Variants in DLGAP1 observed in about 807,000 individuals in gnomAD.
The protein encoded by DLGAP1 is disks large-associated protein 1.
A neutral mutation model predicts 90.8 loss-of-function variants in DLGAP1; 11 were observed. The observed-to-expected ratio is 0.12, with a 90% CI of 0.08 to 0.20. The LOEUF (loss-of-function observed/expected upper bound fraction) is 0.20, where lower values mean the gene tolerates loss of function less well. DLGAP1 is among the 10% of genes least tolerant of loss of function. The pLI, the probability that DLGAP1 is intolerant of heterozygous loss-of-function variation, is 1.00. For missense variants in DLGAP1, 1,050 were observed against 1,333.8 expected (o/e 0.79, Z 3.31); for synonymous variants, 558 against 540.7 (o/e 1.03, Z -0.44).
At chr18:3,948,893 C>T (rs2072927113) in intron 3 of DLGAP1, among the ~76,000 whole-genome samples, 1 of 151,778 alleles carries the variant, frequency 6.6e-6, no homozygotes, top group Non-Finnish European at 1.5e-5. Context: ...TAACCAAATA[C>T]CACCTGTTCC....
chr18:4,150,580 C>G (rs2076658847), intron 2 of DLGAP1, among the ~76,000 whole-genome samples: 1 of 152,228 alleles, frequency 6.6e-6, no homozygotes, highest in Admixed American at 6.5e-5. Context: ...ATTACAGGCA[C>G]CTGCCACCAC....
At chr18:3,515,076 A>T (rs2050751013) in intron 10 of DLGAP1, among the ~76,000 whole-genome samples, 1 of 152,152 alleles carries the variant, frequency 6.6e-6, no homozygotes, top group Non-Finnish European at 1.5e-5. Flanking sequence ...ACAACAATGA[A>T]GTTTGCCACA....
chr18:3,718,683 T>TG (rs1243574040), intron 7 of DLGAP1, among the ~76,000 whole-genome samples: 3 of 150,474 alleles, frequency 2.0e-5, no homozygotes, highest in African/African-American at 4.9e-5. Flanking sequence ...CCCAGCACTT[T>TG]GGGGGGTCGA....
chr18:4,447,907 C>T (rs529652714), intron 1 of DLGAP1, among the ~76,000 whole-genome samples: 1 of 152,282 alleles, frequency 6.6e-6, no homozygotes, highest in East Asian at 1.9e-4. Flanking sequence ...ACTGCCTATT[C>T]AGAATCTGTC....
intron 7 of DLGAP1, among the ~76,000 whole-genome samples, chr18:3,696,143 CAG>C (rs1413366304): frequency 1.3e-5 from 2 of 152,180 alleles, no homozygotes; most frequent in African/African-American, 4.8e-5. Flanking sequence ...CATCTGCAAA[CAG>C]AGACAATTTG....
At position 3,499,821 on chromosome 18, in the gene DLGAP1, C is replaced by T. The variant is rs2049836309; in HGVS notation, c.2725-427G>A. Among the ~76,000 whole-genome samples the T allele has an allele frequency of 6.6e-6, 1 of 152,146 alleles. No individual in the cohort carries two copies. Among genetic ancestry groups the T allele is most frequent in the Non-Finnish European group, 1.5e-5 (1 of 68,020 alleles). On this transcript the variant is annotated intron_variant, in intron 12 of 12. Coordinates refer to ENST00000315677, the MANE Select transcript of DLGAP1 (RefSeq NM_004746.4). The surrounding 1 kb of genome is among the most constrained non-coding windows in gnomAD (Gnocchi z 6.4). The stretch of plus-strand genomic sequence containing the variant: ...CTCTAAGGATGCAAGTCACCGGGTG[C>T]AAGCTTGGTTCAGAGCTTAAAAACA...
chr18:3,990,983 G>A (rs1194956640), intron 3 of DLGAP1, among the ~76,000 whole-genome samples: 5 of 151,830 alleles, frequency 3.3e-5, no homozygotes, highest in Non-Finnish European at 5.9e-5. Context: ...GGAGTTATTA[G>A]TTTTCCTTTC....
At chr18:3,714,871 A>G (rs1401742532) in intron 7 of DLGAP1, among the ~76,000 whole-genome samples, 3 of 152,052 alleles carry the variant, frequency 2.0e-5, no homozygotes, top group African/African-American at 4.8e-5. Flanking sequence ...CCTGACCTCA[A>G]GGTGATTTGC....
chr18:3,512,342 CTT>C (rs1181375724), intron 10 of DLGAP1, among the ~76,000 whole-genome samples: 1 of 152,192 alleles, frequency 6.6e-6, no homozygotes, highest in Non-Finnish European at 1.5e-5. Flanking sequence ...CCTCCCTTTC[CTT>C]TCTTTCCCCA....
At chr18:3,661,086 T>G (rs946052433) in intron 7 of DLGAP1, among the ~76,000 whole-genome samples, 5 of 152,240 alleles carry the variant, frequency 3.3e-5, no homozygotes, top group Non-Finnish European at 7.3e-5. Context: ...ATTTTTTAGA[T>G]GAAGTTTCAC....
chr18:4,002,665 T>C (rs898895338), intron 3 of DLGAP1, among the ~76,000 whole-genome samples: 3 of 152,152 alleles, frequency 2.0e-5, no homozygotes, highest in Non-Finnish European at 4.4e-5. Flanking sequence ...CAGTCAATAG[T>C]AGATTATTAG....
chr18:3,748,651 G>A (rs757402188), intron 5 of DLGAP1, among the ~76,000 whole-genome samples: 6 of 152,176 alleles, frequency 3.9e-5, no homozygotes, highest in African/African-American at 7.2e-5. Context: ...AAAAATGAAC[G>A]TATTTGGCCT....
chr18:3,965,940 C>CAAAA (rs544643910), intron 3 of DLGAP1, among the ~76,000 whole-genome samples: 40,456 of 99,840 alleles, frequency 0.41, 8,114 homozygotes, highest in Non-Finnish European at 0.44. Flanking sequence ...GACTCCATGT[C>CAAAA]AAAAAAAAAA....
chr18:3,912,417 C>T (rs1462645544), intron 3 of DLGAP1, among the ~76,000 whole-genome samples: 1 of 152,012 alleles, frequency 6.6e-6, no homozygotes, highest in Non-Finnish European at 1.5e-5. Context: ...GGTTTATTCT[C>T]CCAGGTACTA....
intron 4 of DLGAP1, among the ~76,000 whole-genome samples, chr18:3,866,330 C>T (rs1280113878): frequency 6.6e-6 from 1 of 152,172 alleles, no homozygotes; most frequent in East Asian, 1.9e-4. Flanking sequence ...CGATTGATCT[C>T]ATTTATTAAG....
intron 7 of DLGAP1, among the ~76,000 whole-genome samples, chr18:3,641,610 C>CACACACACACAG (rs1242190319): frequency 6.6e-6 from 1 of 150,504 alleles, no homozygotes; most frequent in African/African-American, 2.4e-5. Context: ...CACACACACA[C>CACACACACACAG]ACAGACACAC....
At chr18:4,002,200 A>C (rs16945825) in intron 3 of DLGAP1, among the ~76,000 whole-genome samples, 134,313 of 152,032 alleles carry the variant, frequency 0.88, 59,736 homozygotes, top group African/African-American at 0.97. Context: ...AGCAACCAAA[A>C]TTTTAGCAAC....
rs921540479 is a variant in DLGAP1 at position 3,497,483 on chromosome 18, T to C, written c.*1702A>G. 2.0e-5 allele frequency: 3 copies of C among 152,192 alleles called. No homozygotes were observed. The highest frequency in any genetic ancestry group is 7.2e-5 in the African/African-American group (3 of 41,456). 9.4% of individuals were successfully genotyped at this position (152,192 alleles called of 1,614,324 possible). A position where few individuals can be genotyped will look rare whatever the true frequency, so the allele number is the denominator to read the frequency against. Reference sequence around the variant, plus strand: ...CGAATTCTCTAGTGGTTTTAGAATATGTCCGTGAAAATATCTGTTGCTAGA... The same window carrying C: ...CGAATTCTCTAGTGGTTTTAGAATACGTCCGTGAAAATATCTGTTGCTAGA... On this transcript the variant is annotated 3_prime_UTR_variant, in exon 13 of 13. Transcript: ENST00000315677.
At chr18:3,663,001 G>A (rs542114640) in intron 7 of DLGAP1, among the ~76,000 whole-genome samples, 21 of 152,110 alleles carry the variant, frequency 1.4e-4, no homozygotes, top group East Asian at 3.9e-4. Context: ...GCTGGGTGCC[G>A]TGGCTCACGC....
Sources: gnomAD v4.1 joint callset for allele counts (sites outside exome capture counted in the v4.1 genomes callset) on GRCh38, gnomAD v4.1.1 for gene constraint, Gnocchi (gnomAD v3.1) non-coding constraint, MANE v1.5 for transcripts, NCBI Gene and HGNC (gene_info 2026-07-23, HGNC 2026-07-21) for gene names.